Variants in CALML5 observed in about 807,000 individuals in gnomAD.
CALML5 encodes the protein calmodulin-like protein 5.
For missense variants in CALML5, 207 were observed against 206.6 expected, an observed-to-expected ratio of 1.00 and a Z score of -0.01; for synonymous variants, 101 against 96.8, an observed-to-expected ratio of 1.04 and a Z score of -0.25.
rs939858751 is a variant in CALML5, at chr10:5,498,879, G to C, written c.*119C>G. ...CCCGGAGCGCAAAGCCTTCCTCCCA[G>C]GGGGAGGCAGTTTCCCATCCACCGA... On this transcript the variant is annotated 3_prime_UTR_variant, in exon 1 of 1. Coordinates refer to ENST00000380332, the MANE Select transcript of CALML5 (RefSeq NM_017422.5). The C allele has an allele frequency of 4.4e-6, 4 of 909,688 alleles. No homozygotes were observed. The highest frequency in any genetic ancestry group is 6.4e-6 in the Non-Finnish European group (4 of 620,634). The allele number at this position is 909,688 out of a possible 1,614,324, so 56.4% of individuals were successfully genotyped here.
chr10:5,499,250 T>TTCGCCG lies in CALML5; in HGVS notation c.183_188dup (p.Asp61_Gly62dup), dbSNP rs1252985247. ...CCGTCAGGAACTCCTGGAAGCTGAT[T>TTCGCCG]TCGCCGTCGCCGTCGCTGTCAACCT... On this transcript the variant is annotated inframe_insertion, in exon 1 of 1. Coordinates refer to ENST00000380332, the MANE Select transcript of CALML5 (RefSeq NM_017422.5). 1.9e-6 allele frequency: 3 copies of TTCGCCG among 1,613,536 alleles called. No homozygotes were observed. Among genetic ancestry groups the TTCGCCG allele is most frequent in the Admixed American group, 1.7e-5 (1 of 59,992 alleles).
rs149170647 is a variant in CALML5 at position 5,499,285 on chromosome 10, G to A, written c.154C>T (p.Leu52Phe). 53 of 1,613,930 alleles carry A rather than the reference G, an allele frequency of 3.3e-5. No homozygotes were observed. Among genetic ancestry groups the A allele is most frequent in the Non-Finnish European group, 4.3e-5 (51 of 1,179,980 alleles). ...KNLSEAQLRK[L>F]ISEVDSDGDG... ...CCGTCGCTGTCAACCTCGGAGATGA[G>A]TTTCCTTAGCTGGGCCTCCGAGAGG... is the stretch of plus-strand genomic sequence containing the variant. Residue 52 changes from leucine to phenylalanine, a missense_variant, in exon 1 of 1, where the codon CTC becomes TTC. Transcript: ENST00000380332.
chr10:5,498,916 C>G lies in CALML5; in HGVS notation c.*82G>C. ...TTCCCATCCACCGACCAGGTTTCCC[C>G]GGAGAGTCCCAGCACAAAAGCAGCA... On this transcript the variant is annotated 3_prime_UTR_variant, in exon 1 of 1. Transcript: ENST00000380332. 8.3e-7 allele frequency: 1 copy of G among 1,198,090 alleles called. No individual in the cohort carries two copies. Among genetic ancestry groups the G allele is most frequent in the South Asian group, 1.6e-5 (1 of 63,716 alleles). 74.2% of individuals were successfully genotyped at this position (1,198,090 alleles called of 1,614,324 possible).
chr10:5,499,220 C>T lies in CALML5; in HGVS notation c.219G>A (p.Ala73=), dbSNP rs10904517. Residue 73 remains alanine (A), a synonymous_variant, in exon 1 of 1, where the codon GCG becomes GCA. Coordinates refer to ENST00000380332, the MANE Select transcript of CALML5 (RefSeq NM_017422.5). The stretch of plus-strand genomic sequence containing the variant: ...CCTCCAGGCCGGCCCTGGCCTTCTT[C>T]GCCGCCGTCAGGAACTCCTGGAAGC... ...EISFQEFLTA[A]KKARAGLEDL... is the part of the protein sequence containing the mutation. 0.34 allele frequency: 545,031 copies of T among 1,612,622 alleles called. 94,051 individuals are homozygous for T. The highest frequency in any genetic ancestry group is 0.5 in the African/African-American group (37,211 of 74,892).
In CALML5 at chr10:5,498,836, A is replaced by G; in HGVS notation, c.*162T>C. ...CAGAGAGGGGCTCGCAGGCGGCCCG[A>G]GGGCGCCGCATCCAGGCCCCGGAGC... On this transcript the variant is annotated 3_prime_UTR_variant, in exon 1 of 1. Coordinates refer to ENST00000380332, the MANE Select transcript of CALML5 (RefSeq NM_017422.5). The G allele has an allele frequency of 1.5e-6, 1 of 649,566 alleles. No homozygotes were observed. Among genetic ancestry groups the G allele is most frequent in the Non-Finnish European group, 2.6e-6 (1 of 387,482 alleles). The allele number at this position is 649,566 out of a possible 1,614,324, so 40.2% of individuals were successfully genotyped here.
chr10:5,499,402 A>C lies in CALML5; in HGVS notation c.37T>G (p.Tyr13Asp), dbSNP rs1350967940. 8.1e-6 allele frequency: 13 copies of C among 1,613,832 alleles called. No individual in the cohort carries two copies. The highest frequency in any genetic ancestry group is 1.0e-5 in the Non-Finnish European group (12 of 1,179,906). ...TCAACCGCGGAGAAAGCCTTTTTGTACTGGGCCTCCTCCTCAGGAGTCAGC... is the reference window on the plus strand; with the variant it reads ...TCAACCGCGGAGAAAGCCTTTTTGTCCTGGGCCTCCTCCTCAGGAGTCAGC... ...GELTPEEEAQ[Y>D]KKAFSAVDTD... The change falls in exon 1 of 1, where the codon TAC (tyrosine) becomes GAC (aspartate). Residue 13 changes from tyrosine (Y) to aspartate (D), a missense_variant. Physicochemically the swap from Tyr to Asp is radical, Grantham distance 160 (BLOSUM62 -3). Transcript: ENST00000380332.
In CALML5 at chr10:5,498,966, G is replaced by C. The variant is rs371973076; in HGVS notation, c.*32C>G. 13 of 1,485,768 alleles carry C rather than the reference G, an allele frequency of 8.7e-6. No homozygotes were observed. Among genetic ancestry groups the C allele is most frequent in the African/African-American group, 6.9e-5 (5 of 72,764 alleles). 92.0% of individuals were successfully genotyped at this position (1,485,768 alleles called of 1,614,324 possible). A position where few individuals can be genotyped will look rare whatever the true frequency, so the allele number is the denominator to read the frequency against. ...AGCGGGCGGTGGCCCTGAAGGCTCA[G>C]AGCGCAGCCAGGGGGACACAGGCGG... On this transcript the variant is annotated 3_prime_UTR_variant, in exon 1 of 1. Coordinates refer to ENST00000380332, the MANE Select transcript of CALML5 (RefSeq NM_017422.5).
chr10:5,498,880 G>A lies in CALML5; in HGVS notation c.*118C>T. ...CCGGAGCGCAAAGCCTTCCTCCCAGGGGGAGGCAGTTTCCCATCCACCGAC... is the reference window on the plus strand; with the variant it reads ...CCGGAGCGCAAAGCCTTCCTCCCAGAGGGAGGCAGTTTCCCATCCACCGAC... On this transcript the variant is annotated 3_prime_UTR_variant, in exon 1 of 1. Coordinates refer to ENST00000380332, the MANE Select transcript of CALML5 (RefSeq NM_017422.5). 1 of 912,474 alleles carries A rather than the reference G, an allele frequency of 1.1e-6. No homozygotes were observed. Among genetic ancestry groups the A allele is most frequent in the South Asian group, 1.7e-5 (1 of 57,192 alleles). 56.5% of individuals were successfully genotyped at this position (912,474 alleles called of 1,614,324 possible).
rs1315789830 is a variant in CALML5 at position 5,498,808 on chromosome 10, A to C, written c.*190T>G. 26 of 596,292 alleles carry C rather than the reference A, an allele frequency of 4.4e-5. No individual in the cohort carries two copies. In the East Asian group the frequency reaches 6.9e-4, roughly 16 times the overall value. The allele number at this position is 596,292 out of a possible 1,614,324, so 36.9% of individuals were successfully genotyped here. ...AGGCCTCCTTCTGCCCAAGGTCTGG[A>C]GGCAGAGAGGGGCTCGCAGGCGGCC... is the stretch of plus-strand genomic sequence containing the variant. On this transcript the variant is annotated 3_prime_UTR_variant, in exon 1 of 1. Coordinates refer to ENST00000380332, the MANE Select transcript of CALML5 (RefSeq NM_017422.5).
In CALML5 at chr10:5,499,250, T is replaced by TTCGCCGTCGCCG; in HGVS notation, c.177_188dup (p.Asp59_Gly62dup). ...CCGTCAGGAACTCCTGGAAGCTGATTTCGCCGTCGCCGTCGCTGTCAACCT... is the reference window on the plus strand; with the variant it reads ...CCGTCAGGAACTCCTGGAAGCTGATTTCGCCGTCGCCGTCGCCGTCGCCGTCGCTGTCAACCT... On this transcript the variant is annotated inframe_insertion, in exon 1 of 1. Coordinates refer to ENST00000380332, the MANE Select transcript of CALML5 (RefSeq NM_017422.5). 1 of 1,613,654 alleles carries TTCGCCGTCGCCG rather than the reference T, an allele frequency of 6.2e-7. No homozygotes were observed. Among genetic ancestry groups the TTCGCCGTCGCCG allele is most frequent in the Non-Finnish European group, 8.5e-7 (1 of 1,179,852 alleles).
chr10:5,499,141 C>T lies in CALML5; in HGVS notation c.298G>A (p.Val100Met), dbSNP rs147358772. Residue 100 changes from valine to methionine, a missense_variant, in exon 1 of 1, where the codon GTG (valine) becomes ATG (methionine). Val to Met is a conservative substitution (Grantham distance 21, BLOSUM62 1). Transcript: ENST00000380332. ...FDQDGDGHIT[V>M]DELRRAMAGL... ...GCCATGGCCCGCCTGAGCTCGTCCACGGTGATGTGGCCGTCGCCATCCTGG... is the reference window on the plus strand; with the variant it reads ...GCCATGGCCCGCCTGAGCTCGTCCATGGTGATGTGGCCGTCGCCATCCTGG... 3 of 1,604,714 alleles carry T rather than the reference C, an allele frequency of 1.9e-6. No homozygotes were observed. Among genetic ancestry groups the T allele is most frequent in the Non-Finnish European group, 1.7e-6 (2 of 1,179,588 alleles).
In CALML5 at chr10:5,499,105, GC is replaced by G; in HGVS notation, c.333del (p.Gln112SerfsTer11). The G allele has an allele frequency of 6.3e-7, 1 of 1,599,130 alleles. No homozygotes were observed. On this transcript the variant is annotated frameshift_variant, in exon 1 of 1. Coordinates refer to ENST00000380332, the MANE Select transcript of CALML5 (RefSeq NM_017422.5). LOFTEE classifies it low-confidence loss of function (END_TRUNC). ...TCCAGCTCCTCCTGCGGCAGCGGCT[GC>G]CCCAGCCCCGCCATGGCCCGCCTGA... ...DELRRAMAGL[G>X]QPLPQEELDA...
chr10:5,498,836 A>T lies in CALML5; in HGVS notation c.*162T>A. On this transcript the variant is annotated 3_prime_UTR_variant, in exon 1 of 1. Transcript: ENST00000380332. ...CAGAGAGGGGCTCGCAGGCGGCCCGAGGGCGCCGCATCCAGGCCCCGGAGC... is the reference window on the plus strand; with the variant it reads ...CAGAGAGGGGCTCGCAGGCGGCCCGTGGGCGCCGCATCCAGGCCCCGGAGC... 1.5e-6 allele frequency: 1 copy of T among 649,566 alleles called. No homozygotes were observed. Among genetic ancestry groups the T allele is most frequent in the South Asian group, 2.0e-5 (1 of 49,810 alleles). 40.2% of individuals were successfully genotyped at this position (649,566 alleles called of 1,614,324 possible). A position where few individuals can be genotyped will look rare whatever the true frequency, so the allele number is the denominator to read the frequency against.
chr10:5,499,244 G>C lies in CALML5; in HGVS notation c.195C>G (p.Ser65Arg). ...TCGCCGCCGTCAGGAACTCCTGGAAGCTGATTTCGCCGTCGCCGTCGCTGT... is the reference window on the plus strand; with the variant it reads ...TCGCCGCCGTCAGGAACTCCTGGAACCTGATTTCGCCGTCGCCGTCGCTGT... ...EVDSDGDGEI[S>R]FQEFLTAAKK... Residue 65 changes from serine to arginine, a missense_variant, in exon 1 of 1, where the codon AGC becomes AGG. Transcript: ENST00000380332. The C allele has an allele frequency of 6.2e-7, 1 of 1,613,590 alleles. No homozygotes were observed. Among genetic ancestry groups the C allele is most frequent in the Non-Finnish European group, 8.5e-7 (1 of 1,179,862 alleles).
In CALML5 at chr10:5,498,946, G is replaced by A. The variant is rs1284814095; in HGVS notation, c.*52C>T. ...AGTCCCAGCACAAAAGCAGCAGCGG[G>A]CGGTGGCCCTGAAGGCTCAGAGCGC... On this transcript the variant is annotated 3_prime_UTR_variant, in exon 1 of 1. Transcript: ENST00000380332. 3 of 1,366,646 alleles carry A rather than the reference G, an allele frequency of 2.2e-6. No individual in the cohort carries two copies. In the Admixed American group the frequency reaches 7.6e-5, roughly 34 times the overall value. 84.7% of individuals were successfully genotyped at this position (1,366,646 alleles called of 1,614,324 possible). A position where few individuals can be genotyped will look rare whatever the true frequency, so the allele number is the denominator to read the frequency against.
At position 5,499,482 on chromosome 10, in the gene CALML5, A is replaced by G. The variant is rs1448993570; in HGVS notation, c.-44T>C. ...TCGCGGAGCCTCCGAGCTGCTGCCC[A>G]CCGGCCCTCAACCTGCTGCTCTCAG... On this transcript the variant is annotated 5_prime_UTR_variant, in exon 1 of 1. Coordinates refer to ENST00000380332, the MANE Select transcript of CALML5 (RefSeq NM_017422.5). The G allele has an allele frequency of 6.5e-7, 1 of 1,540,566 alleles. No homozygotes were observed. The highest frequency in any genetic ancestry group is 8.9e-7 in the Non-Finnish European group (1 of 1,126,252).
rs1249785887 is a variant in CALML5, at chr10:5,499,166, G to A, written c.273C>T (p.Asp91=). 1.2e-6 allele frequency: 2 copies of A among 1,608,372 alleles called. No individual in the cohort carries two copies. The change falls in exon 1 of 1, where the codon GAC becomes GAT. Residue 91 remains aspartate, a synonymous_variant. Transcript: ENST00000380332. ...CGGTGATGTGGCCGTCGCCATCCTG[G>A]TCGAAGGCGCGGAAGGCGACCTGCA... ...EDLQVAFRAF[D]QDGDGHITVD...
chr10:5,499,267 T>TCGCC lies in CALML5; in HGVS notation c.171_172insGGCG (p.Ser58GlyfsTer103), dbSNP rs763116423. ...AAGCTGATTTCGCCGTCGCCGTCGC[T>TCGCC]GTCAACCTCGGAGATGAGTTTCCTT... On this transcript the variant is annotated frameshift_variant, in exon 1 of 1. Transcript: ENST00000380332. LOFTEE classifies it low-confidence loss of function (END_TRUNC). 6.2e-6 allele frequency: 10 copies of TCGCC among 1,613,808 alleles called. No individual in the cohort carries two copies. The African/African-American group carries it at 6.7e-5, about 11-fold the overall frequency.
rs923857733 is a variant in CALML5 at position 5,499,491 on chromosome 10, C to A, written c.-53G>T. Reference sequence around the variant, plus strand: ...CTCCGAGCTGCTGCCCACCGGCCCTCAACCTGCTGCTCTCAGAGCTCGTGG... The same window carrying A: ...CTCCGAGCTGCTGCCCACCGGCCCTAAACCTGCTGCTCTCAGAGCTCGTGG... On this transcript the variant is annotated 5_prime_UTR_variant, in exon 1 of 1. Coordinates refer to ENST00000380332, the MANE Select transcript of CALML5 (RefSeq NM_017422.5). 6.7e-7 allele frequency: 1 copy of A among 1,486,736 alleles called. No individual in the cohort carries two copies. The highest frequency in any genetic ancestry group is 1.4e-5 in the African/African-American group (1 of 71,924). 92.1% of individuals were successfully genotyped at this position (1,486,736 alleles called of 1,614,324 possible).
Sources: allele counts gnomAD v4.1 joint callset, GRCh38; gene constraint gnomAD v4.1.1; transcripts MANE v1.5; gene names NCBI Gene and HGNC (gene_info 2026-07-23, HGNC 2026-07-21).